WDR70: variants seen among roughly 807,000 people sequenced by gnomAD.
WDR70 encodes WD repeat domain 70.
In WDR70, 53 loss-of-function variants were observed where a neutral mutation model predicts 88.6. The ratio of observed to expected loss-of-function variants is 0.60; its 90% CI spans 0.48 to 0.75. The LOEUF is 0.75. Ranked by LOEUF, WDR70 falls within the 30% of genes least tolerant of loss-of-function variation. WDR70 has a pLI of 0.00. For missense variants in WDR70, 610 were observed against 823.2 expected (o/e 0.74, Z 3.17); for synonymous variants, 280 against 270.0 (o/e 1.04, Z -0.36).
intron 9 of WDR70, among the ~76,000 whole-genome samples, chr5:37,585,512 A>G (rs1267375849): frequency 1.3e-5 from 2 of 152,232 alleles, no homozygotes; most frequent in Admixed American, 6.5e-5. Flanking sequence ...GTAGGGTTCT[A>G]TCAGTGACTT....
At chr5:37,598,527 A>G (rs1743768191) in intron 9 of WDR70, among the ~76,000 whole-genome samples, 1 of 152,206 alleles carries the variant, frequency 6.6e-6, no homozygotes, top group South Asian at 2.1e-4. Flanking sequence ...AGTCCAACAG[A>G]TATTTCCATT....
intron 5 of WDR70, among the ~76,000 whole-genome samples, chr5:37,406,367 C>T (rs1749352913): frequency 6.6e-6 from 1 of 152,194 alleles, no homozygotes; most frequent in Admixed American, 6.5e-5. Context: ...TAAAGTCTCC[C>T]AGCTTCCATT....
intron 9 of WDR70, among the ~76,000 whole-genome samples, chr5:37,538,465 C>T (rs144102419): frequency 6.6e-6 from 1 of 152,286 alleles, no homozygotes; most frequent in African/African-American, 2.4e-5. Flanking sequence ...ATGTAAACAG[C>T]ACATAAGAAT....
At chr5:37,671,385 G>A (rs185834108) in intron 10 of WDR70, among the ~76,000 whole-genome samples, 8 of 152,264 alleles carry the variant, frequency 5.3e-5, no homozygotes, top group African/African-American at 1.7e-4. Flanking sequence ...CAGATTAACT[G>A]TAACTCAGTC....
At chr5:37,400,019 G>A (rs1749146124) in intron 5 of WDR70, among the ~76,000 whole-genome samples, 1 of 152,056 alleles carries the variant, frequency 6.6e-6, no homozygotes, top group Non-Finnish European at 1.5e-5. Flanking sequence ...TGCAACCTCC[G>A]TCTCCCGGGT....
intron 7 of WDR70, among the ~76,000 whole-genome samples, chr5:37,446,100 A>G (rs1211398671): frequency 1.3e-5 from 2 of 152,260 alleles, no homozygotes; most frequent in African/African-American, 2.4e-5. Context: ...GTCTCAGGAT[A>G]CAAAATCAAT....
At chr5:37,464,145 T>C (rs1488318147) in intron 7 of WDR70, among the ~76,000 whole-genome samples, 1 of 152,172 alleles carries the variant, frequency 6.6e-6, no homozygotes, top group Admixed American at 6.5e-5. Context: ...AAAATAAAAA[T>C]AAATCATCAG....
chr5:37,625,900 A>C (rs1744649069), intron 10 of WDR70, among the ~76,000 whole-genome samples: 1 of 151,548 alleles, frequency 6.6e-6, no homozygotes, highest in East Asian at 1.9e-4. Context: ...TTAATCCCCT[A>C]TTAGATGAGT....
chr5:37,571,308 A>G (rs918657748), intron 9 of WDR70, among the ~76,000 whole-genome samples: 4 of 152,156 alleles, frequency 2.6e-5, no homozygotes, highest in Non-Finnish European at 5.9e-5. Flanking sequence ...TGAACATAGG[A>G]GAAGGAGGTA....
intron 10 of WDR70, among the ~76,000 whole-genome samples, chr5:37,616,195 C>T (rs938023250): frequency 1.5e-4 from 23 of 152,098 alleles, no homozygotes; most frequent in African/African-American, 5.6e-4. Context: ...TGGCTTACTG[C>T]AGCCTCTGCC....
chr5:37,550,076 G>T (rs1244475113), intron 9 of WDR70, among the ~76,000 whole-genome samples: 2 of 152,102 alleles, frequency 1.3e-5, no homozygotes, highest in Non-Finnish European at 2.9e-5. Flanking sequence ...TGTTGAACAG[G>T]CTGGTCTTGA....
intron 10 of WDR70, among the ~76,000 whole-genome samples, chr5:37,618,871 G>A (rs1396457490): frequency 6.6e-6 from 1 of 152,162 alleles, no homozygotes; most frequent in Non-Finnish European, 1.5e-5. Context: ...AGGGTGACTG[G>A]TTAGGGGCTA....
At chr5:37,539,470 A>C (rs559881007) in intron 9 of WDR70, among the ~76,000 whole-genome samples, 58 of 152,330 alleles carry the variant, frequency 3.8e-4, no homozygotes, top group African/African-American at 1.4e-3. Flanking sequence ...CAGCAAAACA[A>C]GGAAAAAGGC....
intron 9 of WDR70, among the ~76,000 whole-genome samples, chr5:37,572,586 C>G (rs1452204517): frequency 6.6e-6 from 1 of 152,112 alleles, no homozygotes; most frequent in African/African-American, 2.4e-5. Flanking sequence ...GTCATCCACC[C>G]CTTCCCACCC....
At chr5:37,571,185 C>A (rs186644184) in intron 9 of WDR70, among the ~76,000 whole-genome samples, 9 of 152,286 alleles carry the variant, frequency 5.9e-5, no homozygotes, top group African/African-American at 2.2e-4. Flanking sequence ...AAAGTCACTT[C>A]AAAACCGAAA....
In WDR70 at chr5:37,753,422, A is replaced by G. The variant is rs11743469; in HGVS notation, c.*849A>G. On this transcript the variant is annotated 3_prime_UTR_variant, in exon 18 of 18. Transcript: ENST00000265107. ...AAAGACTAAACAGAAGACATTAAAAATTATTCTAAAAAATCATTGTGCTTT... is the reference window on the plus strand; with the variant it reads ...AAAGACTAAACAGAAGACATTAAAAGTTATTCTAAAAAATCATTGTGCTTT... The G allele has an allele frequency of 3.6e-4, 55 of 152,332 alleles. No individual in the cohort carries two copies. The highest frequency in any genetic ancestry group is 1.3e-3 in the African/African-American group (54 of 41,584). The allele number at this position is 152,332 out of a possible 1,614,324, so 9.4% of individuals were successfully genotyped here. A position where few individuals can be genotyped will look rare whatever the true frequency, so the allele number is the denominator to read the frequency against.
At chr5:37,384,081 G>A (rs190509169) in intron 3 of WDR70, among the ~76,000 whole-genome samples, 2 of 150,194 alleles carry the variant, frequency 1.3e-5, no homozygotes, top group East Asian at 3.9e-4. Context: ...GATAAGGATT[G>A]TTTTAAAAAA....
At chr5:37,607,268 T>G (rs935390548) in intron 10 of WDR70, among the ~76,000 whole-genome samples, 1 of 151,892 alleles carries the variant, frequency 6.6e-6, no homozygotes, top group Non-Finnish European at 1.5e-5. Flanking sequence ...TTCTTAACTT[T>G]TTTTTCAGCA....
At chr5:37,604,754 A>G (rs4869534) in intron 9 of WDR70, among the ~76,000 whole-genome samples, 9,268 of 152,324 alleles carry the variant, frequency 0.061, 370 homozygotes, top group South Asian at 0.13. Flanking sequence ...GATCAGGGGT[A>G]AAGTCAGAAT....
Sources: gnomAD v4.1 joint callset for allele counts (sites outside exome capture counted in the v4.1 genomes callset) on GRCh38, gnomAD v4.1.1 for gene constraint, MANE v1.5 for transcripts, NCBI Gene and HGNC (gene_info 2026-07-23, HGNC 2026-07-21) for gene names.